The following SLC13A3 variants were observed in gnomAD, a reference collection of about 807,000 sequenced individuals.
SLC13A3 encodes the protein solute carrier family 13 member 3.
In SLC13A3, 40 loss-of-function variants were observed where a neutral mutation model predicts 59.0. The observed-to-expected ratio is 0.68, with a 90% CI of 0.53 to 0.88. The LOEUF (loss-of-function observed/expected upper bound fraction) is 0.88, where lower values mean the gene tolerates loss of function less well. Ranked by LOEUF, SLC13A3 falls within the 40% of genes least tolerant of loss-of-function variation. The pLI is 0.00. For missense variants in SLC13A3, 699 were observed against 783.2 expected (o/e 0.89, Z 1.28); for synonymous variants, 317 against 330.3 (o/e 0.96, Z 0.44).
intron 1 of SLC13A3, among the ~76,000 whole-genome samples, chr20:46,635,230 A>G (rs1348441393): frequency 6.6e-6 from 1 of 152,176 alleles, no homozygotes; most frequent in East Asian, 1.9e-4. Context: ...ATTTGGAGAT[A>G]AAGGTAATGA....
intron 1 of SLC13A3, among the ~76,000 whole-genome samples, chr20:46,641,988 C>T (rs535793359): frequency 6.6e-6 from 1 of 152,286 alleles, no homozygotes; most frequent in East Asian, 1.9e-4. Flanking sequence ...ATGATTCAAA[C>T]TAACTAGCCA....
intron 1 of SLC13A3, among the ~76,000 whole-genome samples, chr20:46,680,956 G>A (rs1373825667): frequency 2.0e-5 from 3 of 152,234 alleles, no homozygotes; most frequent in African/African-American, 7.2e-5. Context: ...GGTACAAGGA[G>A]GGGATCCTAG....
intron 1 of SLC13A3, among the ~76,000 whole-genome samples, chr20:46,679,240 A>G (rs2063141831): frequency 6.6e-6 from 1 of 152,130 alleles, no homozygotes; most frequent in South Asian, 2.1e-4. Context: ...TATCTAGACT[A>G]ATTGGGATTC....
intron 12 of SLC13A3, among the ~76,000 whole-genome samples, chr20:46,561,438 C>T (rs2061929484): frequency 1.3e-5 from 2 of 152,162 alleles, no homozygotes; most frequent in African/African-American, 4.8e-5. Context: ...GCCACCATGG[C>T]TTCAGCACTT....
chr20:46,615,525 A>G (rs1384035848), intron 1 of SLC13A3, among the ~76,000 whole-genome samples: 1 of 152,172 alleles, frequency 6.6e-6, no homozygotes, highest in East Asian at 1.9e-4. Context: ...AGTTGTAGGT[A>G]GTGAGAAGTA....
chr20:46,621,644 T>A (rs1053760664), intron 1 of SLC13A3, among the ~76,000 whole-genome samples: 121 of 152,326 alleles, frequency 7.9e-4, no homozygotes, highest in African/African-American at 2.8e-3. Context: ...CTGAGTACAT[T>A]CTGCACGGAC....
intron 9 of SLC13A3, among the ~76,000 whole-genome samples, chr20:46,581,725 C>T (rs971989639): frequency 5.9e-5 from 9 of 151,958 alleles, no homozygotes; most frequent in African/African-American, 2.2e-4. Context: ...GCAGAAGCCA[C>T]GGGGATCAGA....
intron 1 of SLC13A3, among the ~76,000 whole-genome samples, chr20:46,623,976 C>G (rs2062642270): frequency 6.6e-6 from 1 of 152,158 alleles, no homozygotes; most frequent in Non-Finnish European, 1.5e-5. Flanking sequence ...CGTGGGTGTT[C>G]TTGTCAAATG....
chr20:46,649,387 C>A (rs2062930433), intron 1 of SLC13A3, among the ~76,000 whole-genome samples: 1 of 152,144 alleles, frequency 6.6e-6, no homozygotes, highest in Admixed American at 6.5e-5. Flanking sequence ...CTTCAAGAGT[C>A]CCCCTCAAGT....
intron 1 of SLC13A3, among the ~76,000 whole-genome samples, chr20:46,659,648 G>A (rs1222257518): frequency 1.3e-5 from 2 of 151,518 alleles, no homozygotes; most frequent in Non-Finnish European, 2.9e-5. Context: ...CCGGGGAGGT[G>A]GAGGTTGCAG....
intron 4 of SLC13A3, among the ~76,000 whole-genome samples, chr20:46,598,369 G>C (rs992407392): frequency 6.6e-6 from 1 of 152,172 alleles, no homozygotes; most frequent in African/African-American, 2.4e-5. Flanking sequence ...TAACCATCCT[G>C]AGTATCGAAA....
At chr20:46,671,750 G>A (rs1307729936), upstream of SLC13A3, among the ~76,000 whole-genome samples, 2 of 152,166 alleles carry the variant, frequency 1.3e-5, no homozygotes, top group Admixed American at 1.3e-4. Flanking sequence ...ACCCATTGGA[G>A]GAGTCTTGCA....
At chr20:46,636,338 T>C (rs1224302219) in intron 1 of SLC13A3, among the ~76,000 whole-genome samples, 5 of 152,242 alleles carry the variant, frequency 3.3e-5, no homozygotes, top group Admixed American at 3.3e-4. Flanking sequence ...CGGTTCACTG[T>C]GACTGTCTGC....
rs6017921 is a variant in SLC13A3 at position 46,567,739 on chromosome 20, G to A, written c.1333-1349C>T. Reference sequence around the variant, plus strand: ...TGTATAACATCTAGAATACTCTTCCGCACCTCTGTCCTCTCACCATCAAAT... The same window carrying A: ...TGTATAACATCTAGAATACTCTTCCACACCTCTGTCCTCTCACCATCAAAT... On this transcript the variant is annotated intron_variant, in intron 10 of 12. Transcript: ENST00000279027. Among the ~76,000 whole-genome samples the A allele has an allele frequency of 7.2e-3, 1,102 of 152,134 alleles. 22 individuals carry two copies. The highest frequency in any genetic ancestry group is 0.066 in the East Asian group (343 of 5,174).
intron 9 of SLC13A3, chr20:46,582,496 G>A (rs1312516959): frequency 3.4e-6 from 1 of 298,220 alleles, no homozygotes; most frequent in Non-Finnish European, 4.9e-6. Context: ...CCAGCTTCTT[G>A]GGAGTCTGAG....
upstream of SLC13A3, among the ~76,000 whole-genome samples, chr20:46,673,422 T>C (rs985905356): frequency 6.6e-6 from 1 of 152,196 alleles, no homozygotes; most frequent in Non-Finnish European, 1.5e-5. Context: ...TTCCCTTCCA[T>C]TGCTGGGGGC....
chr20:46,629,968 C>T (rs1158537903), intron 1 of SLC13A3, among the ~76,000 whole-genome samples: 1 of 152,144 alleles, frequency 6.6e-6, no homozygotes, highest in Non-Finnish European at 1.5e-5. Context: ...ATGTTGGCTA[C>T]TTATTACAGA....
At chr20:46,635,952 G>T (rs956732931) in intron 1 of SLC13A3, among the ~76,000 whole-genome samples, 1 of 152,196 alleles carries the variant, frequency 6.6e-6, no homozygotes, top group African/African-American at 2.4e-5. Context: ...TGCCGTGGCA[G>T]CATCCAGAAG....
chr20:46,677,209 G>C lies in SLC13A3; in HGVS notation c.-31+7187C>G, dbSNP rs2063131330. Among the ~76,000 whole-genome samples, 3 of 152,168 alleles carry C rather than the reference G, an allele frequency of 2.0e-5. No individual in the cohort carries two copies. The South Asian group carries it at 6.2e-4, about 32-fold the overall frequency. ...CATTACAAGCACAAGCCACCACCTG[G>C]CCTCACAGCTTTTTATTGAAGTACA... is the stretch of plus-strand genomic sequence containing the variant. On this transcript the variant is annotated intron_variant, in intron 1 of 6. Transcript: ENST00000372121.
Sources: gnomAD v4.1 joint callset for allele counts (sites outside exome capture counted in the v4.1 genomes callset) on GRCh38, gnomAD v4.1.1 for gene constraint, MANE v1.5 for transcripts, NCBI Gene and HGNC (gene_info 2026-07-23, HGNC 2026-07-21) for gene names.